Variants in ABCG1 observed in about 807,000 individuals in gnomAD.
ABCG1 encodes ATP-binding cassette sub-family G member 1.
ABCG1 carries 29 observed loss-of-function variants against 69.2 expected under a neutral mutation model. The observed-to-expected ratio is 0.42, with a 90% CI of 0.31 to 0.57. The LOEUF (loss-of-function observed/expected upper bound fraction) is 0.57. Among genes scored for constraint, ABCG1 ranks in the 20% least tolerant of loss-of-function variants. ABCG1 has a pLI of 0.15. For missense variants in ABCG1, 718 were observed against 898.1 expected (o/e 0.80, Z 2.56); for synonymous variants, 370 against 374.8 (o/e 0.99, Z 0.15).
At chr21:42,292,991 CTACACAG>C (rs1210608124) in intron 13 of ABCG1, among the ~76,000 whole-genome samples, 2 of 145,618 alleles carry the variant, frequency 1.4e-5, no homozygotes, top group African/African-American at 2.5e-5. Context: ...ACACACCACA[CTACACAG>C]TACACACCAC....
intron 2 of ABCG1, among the ~76,000 whole-genome samples, chr21:42,257,201 T>G (rs1035159527): frequency 1.3e-5 from 2 of 152,158 alleles, no homozygotes; most frequent in African/African-American, 4.8e-5. Context: ...GATTTGGAAA[T>G]TTCAGGGCCC....
chr21:42,235,024 T>G (rs2067958552), intron 2 of ABCG1, among the ~76,000 whole-genome samples: 1 of 152,076 alleles, frequency 6.6e-6, no homozygotes, highest in African/African-American at 2.4e-5. Context: ...GGTCGCAGCC[T>G]CCCTGGGACA....
intron 2 of ABCG1, among the ~76,000 whole-genome samples, chr21:42,265,860 G>GC (rs1411971365): frequency 6.6e-6 from 1 of 152,176 alleles, no homozygotes; most frequent in African/African-American, 2.4e-5. Context: ...CCCCCTTAGT[G>GC]AGGCAGCCCC....
chr21:42,251,939 G>A (rs972150597), intron 2 of ABCG1, among the ~76,000 whole-genome samples: 10 of 152,200 alleles, frequency 6.6e-5, no homozygotes, highest in African/African-American at 1.7e-4. Context: ...CGTGTCCGTC[G>A]AATCTGAAAG....
At chr21:42,239,290 G>C (rs1164213248) in intron 2 of ABCG1, among the ~76,000 whole-genome samples, 2 of 152,216 alleles carry the variant, frequency 1.3e-5, no homozygotes, top group Non-Finnish European at 2.9e-5. Flanking sequence ...CAAATAGCTT[G>C]ATACCTGTGA....
upstream of ABCG1, among the ~76,000 whole-genome samples, chr21:42,216,995 C>T (rs1206248446): frequency 1.3e-5 from 2 of 152,154 alleles, no homozygotes; most frequent in East Asian, 3.9e-4. Context: ...ATCCAGCAGC[C>T]AAAGCCAACA....
At chr21:42,202,481 G>A (rs988593765) in intron 2 of ABCG1, among the ~76,000 whole-genome samples, 3 of 152,114 alleles carry the variant, frequency 2.0e-5, no homozygotes, top group Non-Finnish European at 4.4e-5. Flanking sequence ...GCAGGTTAGA[G>A]GAGGGGTGTG....
Position 42,271,104 on chromosome 21 carries a change from G to A in ABCG1, c.321G>A (p.Lys107=). ...YKTLLKGISG[K]FNSGELVAIM... ...CCCTCCTGAAAGGAATTTCCGGGAA[G>A]TTCAATAGTGGTGAGTTGGTGGCCA... Residue 107 remains lysine (K), a synonymous_variant, in exon 3 of 15, where the codon AAG becomes AAA. Coordinates refer to ENST00000398449, the MANE Select transcript of ABCG1 (RefSeq NM_016818.3). 6.3e-7 allele frequency: 1 copy of A among 1,575,110 alleles called. No homozygotes were observed. The highest frequency in any genetic ancestry group is 1.4e-5 in the African/African-American group (1 of 72,806).
chr21:42,222,158 G>A (rs1569206126), intron 1 of ABCG1, among the ~76,000 whole-genome samples: 1 of 152,100 alleles, frequency 6.6e-6, no homozygotes, highest in Non-Finnish European at 1.5e-5. Context: ...AAGAGTGAAA[G>A]GAAAAAATGA....
chr21:42,220,334 T>C lies in ABCG1; in HGVS notation c.42+1030T>C, dbSNP rs547138696. 4.5e-3 allele frequency among the ~76,000 whole-genome samples: 680 copies of C among 152,168 alleles called. 7 individuals are homozygous for C. The highest frequency in any genetic ancestry group is 0.016 in the African/African-American group (657 of 41,514). On this transcript the variant is annotated intron_variant, in intron 1 of 14. Coordinates refer to ENST00000398449, the MANE Select transcript of ABCG1 (RefSeq NM_016818.3). The stretch of plus-strand genomic sequence containing the variant: ...TCCGGGGCTCACCCCGCCCCTCCCC[T>C]GTATTTCATTTTTAGCATCCTGTAT...
chr21:42,205,357 G>T (rs1021599142), intron 2 of ABCG1, among the ~76,000 whole-genome samples: 1 of 152,024 alleles, frequency 6.6e-6, no homozygotes, highest in Non-Finnish European at 1.5e-5. Flanking sequence ...CCAGCACTTT[G>T]GGAGGCTGAG....
chr21:42,289,367 T>C (rs1481510639), intron 10 of ABCG1, among the ~76,000 whole-genome samples: 1 of 152,146 alleles, frequency 6.6e-6, no homozygotes, highest in African/African-American at 2.4e-5. Flanking sequence ...AAACTTCCAG[T>C]TGGAAGTGGC....
In ABCG1 at chr21:42,271,141, T is replaced by C; in HGVS notation, c.358T>C (p.Ser120Pro). The change falls in exon 3 of 15, where the codon TCC becomes CCC. Residue 120 changes from serine (S) to proline (P), a missense_variant. Coordinates refer to ENST00000398449, the MANE Select transcript of ABCG1 (RefSeq NM_016818.3). Reference protein sequence around the residue: ...SGELVAIMGPSGAGKSTLMNI... With the variant: ...SGELVAIMGPPGAGKSTLMNI... ...TGAGTTGGTGGCCATTATGGGTCCT[T>C]CCGGGGCCGGGAAGTCCACGCTGAT... The C allele has an allele frequency of 1.3e-6, 2 of 1,581,848 alleles. No homozygotes were observed. The highest frequency in any genetic ancestry group is 1.7e-6 in the Non-Finnish European group (2 of 1,166,532).
chr21:42,274,697 A>AC lies in ABCG1; in HGVS notation c.537+1263dup, dbSNP rs1032938031. On this transcript the variant is annotated intron_variant, in intron 4 of 14. Coordinates refer to ENST00000398449, the MANE Select transcript of ABCG1 (RefSeq NM_016818.3). ...ACTATGTTGGCCAGGCTGGTCTTGAACTCCTGACCTCGTGATCTGCCCACC... is the reference window on the plus strand; with the variant it reads ...ACTATGTTGGCCAGGCTGGTCTTGAACCTCCTGACCTCGTGATCTGCCCACC... Among the ~76,000 whole-genome samples the AC allele has an allele frequency of 1.3e-4, 19 of 149,688 alleles. No individual in the cohort carries two copies. The East Asian group carries it at 3.7e-3, about 29-fold the overall frequency.
chr21:42,260,290 GCT>G (rs2068384803), intron 2 of ABCG1, among the ~76,000 whole-genome samples: 1 of 152,218 alleles, frequency 6.6e-6, no homozygotes. Context: ...TGGTGGCCCG[GCT>G]GGGGCCAGGG....
chr21:42,202,079 T>G (rs1030448790), intron 2 of ABCG1, among the ~76,000 whole-genome samples: 2 of 152,214 alleles, frequency 1.3e-5, no homozygotes, highest in Non-Finnish European at 2.9e-5. Context: ...CTCTGCAATG[T>G]CATCTCCATG....
At chr21:42,259,494 C>A (rs1292240572) in intron 2 of ABCG1, 7 of 1,547,538 alleles carry the variant, frequency 4.5e-6, no homozygotes, top group Non-Finnish European at 6.1e-6. Context: ...CCCATCCAAC[C>A]GTCCACTCAA....
upstream of ABCG1, among the ~76,000 whole-genome samples, chr21:42,211,339 C>T (rs190435998): frequency 3.8e-4 from 58 of 152,198 alleles, no homozygotes; most frequent in African/African-American, 1.3e-3. Flanking sequence ...CTGCTGCCCT[C>T]CCTGATGACA....
intron 2 of ABCG1, among the ~76,000 whole-genome samples, chr21:42,240,855 A>G (rs958817964): frequency 2.0e-5 from 3 of 152,254 alleles, no homozygotes; most frequent in African/African-American, 4.8e-5. Flanking sequence ...CCTGGACCAG[A>G]TTAAGCCCTA....
Sources: allele counts gnomAD v4.1 joint callset (sites outside exome capture counted in the v4.1 genomes callset), GRCh38; gene constraint gnomAD v4.1.1; transcripts MANE v1.5; gene names NCBI Gene and HGNC (gene_info 2026-07-23, HGNC 2026-07-21).